Variants in NOTCH1 observed in about 807,000 individuals in gnomAD.
NOTCH1 encodes notch receptor 1.
In NOTCH1, 37 loss-of-function variants were observed where a neutral mutation model predicts 254.8. That is an observed-to-expected ratio of 0.15 (90% CI 0.11 to 0.19). The LOEUF is 0.19. Ranked by LOEUF, NOTCH1 falls within the 10% of genes least tolerant of loss-of-function variation. NOTCH1 has a pLI of 1.00. For synonymous variants in NOTCH1, 1,731 were observed against 1,618.1 expected, an observed-to-expected ratio of 1.07 and a Z score of -1.68; for missense variants, 2,972 against 3,708.6, an observed-to-expected ratio of 0.80 and a Z score of 5.16.
intron 4 of NOTCH1, 83 bp downstream of exon 4, chr9:136,522,767 C>T: frequency 7.5e-7 from 1 of 1,327,708 alleles, no homozygotes; most frequent in Non-Finnish European, 1.0e-6. Flanking sequence ...CAGGGCTGCC[C>T]CTACACCAGG....
Position 136,511,839 on chromosome 9 carries a change from G to A in NOTCH1, c.2468-568C>T, listed in dbSNP as rs118103726. The stretch of plus-strand genomic sequence containing the variant: ...CGTGTCGGGGCACGGGGCACGGCCT[G>A]GAGACCTCCAGGGCCACGCAGGGTG... On this transcript the variant is annotated intron_variant, in intron 15 of 33. Transcript: ENST00000651671. Among the ~76,000 whole-genome samples, 69 of 152,342 alleles carry A rather than the reference G, an allele frequency of 4.5e-4. No homozygotes were observed. The East Asian group carries it at 0.013, about 29-fold the overall frequency.
intron 26 of NOTCH1, 112 bp from the exon 27 acceptor site, chr9:136,503,442 G>A: frequency 1.3e-6 from 2 of 1,525,058 alleles, no homozygotes; most frequent in Non-Finnish European, 1.8e-6. Flanking sequence ...GTCAGGACAT[G>A]GTGAGGCAGC....
Position 136,495,281 on chromosome 9 carries a change from G to C in NOTCH1, c.*790C>G. 2.5e-6 allele frequency: 1 copy of C among 399,016 alleles called. No individual in the cohort carries two copies. The highest frequency in any genetic ancestry group is 4.4e-6 in the Non-Finnish European group (1 of 226,094). 24.7% of individuals were successfully genotyped at this position (399,016 alleles called of 1,614,324 possible). A position where few individuals can be genotyped will look rare whatever the true frequency, so the allele number is the denominator to read the frequency against. On this transcript the variant is annotated 3_prime_UTR_variant, in exon 34 of 34. Coordinates refer to ENST00000651671, the MANE Select transcript of NOTCH1 (RefSeq NM_017617.5). ...TTTCAAGAACGGGCAGGGGGCCGGG[G>C]TGGTTCTGGAGGGACCAAGAACTTG...
chr9:136,534,043 G>A (rs1843603897), intron 2 of NOTCH1, among the ~76,000 whole-genome samples: 1 of 152,234 alleles, frequency 6.6e-6, no homozygotes, highest in Non-Finnish European at 1.5e-5. Context: ...GTGCCCGGTT[G>A]TCATCTCGGC....
At chr9:136,530,614 AAACGC>A (rs902659686) in intron 2 of NOTCH1, among the ~76,000 whole-genome samples, 1 of 152,160 alleles carries the variant, frequency 6.6e-6, no homozygotes, top group Non-Finnish European at 1.5e-5. Flanking sequence ...GGAGTGTGAA[AAACGC>A]CTGCTGGAGC....
chr9:136,502,152 T>A, intron 28 of NOTCH1, 64 bp from the exon 29 acceptor site: 1 of 1,603,178 alleles, frequency 6.2e-7, no homozygotes, highest in Non-Finnish European at 8.5e-7. Flanking sequence ...CAGAGACCCC[T>A]GGCCCGGGCC....
chr9:136,529,907 C>CT (rs1209962281), intron 2 of NOTCH1, among the ~76,000 whole-genome samples: 1 of 152,264 alleles, frequency 6.6e-6, no homozygotes, highest in Non-Finnish European at 1.5e-5. Context: ...GGATGGCTGC[C>CT]TCCAGCCACC....
At position 136,495,760 on chromosome 9, in the gene NOTCH1, T is replaced by C. The variant is rs950518157; in HGVS notation, c.*311A>G. The C allele has an allele frequency of 9.6e-6, 4 of 415,694 alleles. No individual in the cohort carries two copies. Among genetic ancestry groups the C allele is most frequent in the African/African-American group, 4.1e-5 (2 of 48,772 alleles). 25.8% of individuals were successfully genotyped at this position (415,694 alleles called of 1,614,324 possible). ...AAATCATGAATCTTTGTTTATATTT[T>C]ATAAACACAGAAGAATCTTTTCATC... is the stretch of plus-strand genomic sequence containing the variant. On this transcript the variant is annotated 3_prime_UTR_variant, in exon 34 of 34. Coordinates refer to ENST00000651671, the MANE Select transcript of NOTCH1 (RefSeq NM_017617.5).
rs1446256214 is a variant in NOTCH1 at position 136,530,767 on chromosome 9, C to T, written c.141-6788G>A. Among the ~76,000 whole-genome samples the T allele has an allele frequency of 2.6e-5, 4 of 152,234 alleles. No homozygotes were observed. In the East Asian group the frequency reaches 7.7e-4, roughly 29 times the overall value. Reference sequence around the variant, plus strand: ...CTTGAGTTGGAGAGGCCAAGATGGTCATGACACGCCGGGGCTCTGCTCCCA... The same window carrying T: ...CTTGAGTTGGAGAGGCCAAGATGGTTATGACACGCCGGGGCTCTGCTCCCA... On this transcript the variant is annotated intron_variant, in intron 2 of 33. Coordinates refer to ENST00000651671, the MANE Select transcript of NOTCH1 (RefSeq NM_017617.5).
chr9:136,543,902 C>T (rs1000863089), intron 2 of NOTCH1, 122 bp downstream of exon 2: 167 of 922,798 alleles, frequency 1.8e-4, no homozygotes, highest in Middle Eastern at 2.8e-4. Flanking sequence ...AGCACGTGAC[C>T]GTGCCCAGAC....
chr9:136,544,072 C>T lies in NOTCH1; in HGVS notation c.92G>A (p.Cys31Tyr), dbSNP rs1293196350. The T allele has an allele frequency of 6.3e-7, 1 of 1,581,140 alleles. No homozygotes were observed. Among genetic ancestry groups the T allele is most frequent in the South Asian group, 1.2e-5 (1 of 86,498 alleles). ...GPRCSQPGETCLNGGKCEAAN... is the reference protein window; with the variant it reads ...GPRCSQPGETYLNGGKCEAAN... ...CGCTTCACACTTCCCGCCATTCAGG[C>T]AGGTCTCACCGGGCTGGGAGCATCG... Residue 31 changes from cysteine (C) to tyrosine (Y), a missense_variant, in exon 2 of 34, where the codon TGC becomes TAC. Physicochemically the swap from Cys to Tyr is radical, Grantham distance 194. Around this residue, in one of 8 missense-constraint regions of NOTCH1, gnomAD observed 374 missense variants for 496.3 expected, o/e 0.75. Transcript: ENST00000651671.
chr9:136,510,556 T>C, intron 17 of NOTCH1, 97 bp downstream of exon 17: 1 of 1,474,294 alleles, frequency 6.8e-7, no homozygotes, highest in Non-Finnish European at 9.2e-7. Context: ...CCGGCCTCCC[T>C]GGGTGCTTAT....
chr9:136,545,644 G>C lies in NOTCH1; in HGVS notation c.61+82C>G. Reference sequence around the variant, plus strand: ...CTGGCCTCCCCGCCGCCCGCTCCCAGCCGTGGGGCGCGCGCGCCGGGCGCC... The same window carrying C: ...CTGGCCTCCCCGCCGCCCGCTCCCACCCGTGGGGCGCGCGCGCCGGGCGCC... On this transcript the variant is annotated intron_variant, in intron 1 of 33. Transcript: ENST00000651671. This position sits in a 1 kb window ranked among gnomAD's most constrained non-coding sequence, Gnocchi z 6.8. 8.3e-7 allele frequency: 1 copy of C among 1,204,070 alleles called. No individual in the cohort carries two copies. Among genetic ancestry groups the C allele is most frequent in the Non-Finnish European group, 1.1e-6 (1 of 894,724 alleles). The allele number at this position is 1,204,070 out of a possible 1,614,324, so 74.6% of individuals were successfully genotyped here.
In NOTCH1 at chr9:136,540,326, T is replaced by C. The variant is rs1247098079; in HGVS notation, c.140+3698A>G. ...CAGGCGCTCAAACGTGTCTGTGAAC[T>C]GGAGCCACCCTGGGAGATGGACTTC... On this transcript the variant is annotated intron_variant, in intron 2 of 33. Coordinates refer to ENST00000651671, the MANE Select transcript of NOTCH1 (RefSeq NM_017617.5). The surrounding 1 kb of genome is among the most constrained non-coding windows in gnomAD (Gnocchi z 4.4). 1.3e-5 allele frequency among the ~76,000 whole-genome samples: 2 copies of C among 152,122 alleles called. No homozygotes were observed. The highest frequency in any genetic ancestry group is 1.3e-4 in the Admixed American group (2 of 15,282).
In NOTCH1 at chr9:136,502,260, G is replaced by A. The variant is rs2133330720; in HGVS notation, c.5384+12C>T. ...CACCGGGGACCCAGAAGCAGGGGCG[G>A]CGTCCGCTCACTTGAGGCCCACGGA... On this transcript the variant is annotated intron_variant, in intron 28 of 33. Transcript: ENST00000651671. 2 of 1,609,960 alleles carry A rather than the reference G, an allele frequency of 1.2e-6. No homozygotes were observed. Among genetic ancestry groups the A allele is most frequent in the Non-Finnish European group, 8.5e-7 (1 of 1,178,528 alleles).
At chr9:136,528,453 G>C (rs1843507201) in intron 2 of NOTCH1, among the ~76,000 whole-genome samples, 1 of 120,358 alleles carries the variant, frequency 8.3e-6, no homozygotes, top group African/African-American at 3.1e-5. Context: ...GGGGGGATGG[G>C]CAGGGACAGT....
intron 15 of NOTCH1, among the ~76,000 whole-genome samples, chr9:136,512,056 G>A (rs1055859000): frequency 2.6e-5 from 4 of 152,250 alleles, no homozygotes; most frequent in Non-Finnish European, 4.4e-5. Flanking sequence ...CGGGCAGGCA[G>A]GAACTGCGCC....
chr9:136,543,978 G>T (rs1200945878), intron 2 of NOTCH1, 46 bp downstream of exon 2: 2 of 1,514,134 alleles, frequency 1.3e-6, no homozygotes, highest in Non-Finnish European at 1.8e-6. Context: ...GAAGGCAGGG[G>T]CTCTGCCCTC....
chr9:136,528,751 C>G lies in NOTCH1; in HGVS notation c.141-4772G>C, dbSNP rs544259477. On this transcript the variant is annotated intron_variant, in intron 2 of 33. Coordinates refer to ENST00000651671, the MANE Select transcript of NOTCH1 (RefSeq NM_017617.5). ...CCAGCCCCACCTGCCCTCCTTGGGCCTCACTGCCAATCCCGGCCCACTGTC... is the reference window on the plus strand; with the variant it reads ...CCAGCCCCACCTGCCCTCCTTGGGCGTCACTGCCAATCCCGGCCCACTGTC... Among the ~76,000 whole-genome samples the G allele has an allele frequency of 1.5e-4, 23 of 152,190 alleles. No individual in the cohort carries two copies. The East Asian group carries it at 4.2e-3, about 28-fold the overall frequency.
Sources: gnomAD v4.1 joint callset for allele counts (sites outside exome capture counted in the v4.1 genomes callset) on GRCh38, gnomAD v4.1.1 for gene constraint, gnomAD v4.1.1 regional missense constraint, Gnocchi (gnomAD v3.1) non-coding constraint, MANE v1.5 for transcripts, NCBI Gene and HGNC (gene_info 2026-07-23, HGNC 2026-07-21) for gene names.